Variants in NAE1 observed in about 807,000 individuals in gnomAD.
The protein encoded by NAE1 is NEDD8-activating enzyme E1 regulatory subunit.
A neutral mutation model predicts 88.0 loss-of-function variants in NAE1; 59 were observed. The ratio of observed to expected loss-of-function variants is 0.67; its 90% CI spans 0.54 to 0.83. The LOEUF (loss-of-function observed/expected upper bound fraction) is 0.83. Ranked by LOEUF, NAE1 falls within the 40% of genes least tolerant of loss-of-function variation. NAE1 has a pLI of 0.00. For missense variants in NAE1, 554 were observed against 632.8 expected, an observed-to-expected ratio of 0.88 and a Z score of 1.34; for synonymous variants, 186 against 208.9, an observed-to-expected ratio of 0.89 and a Z score of 0.95.
intron 8 of NAE1, 105 bp downstream of exon 8, chr16:66,818,423 T>C: frequency 1.3e-6 from 1 of 763,928 alleles, no homozygotes; most frequent in African/African-American, 1.8e-5. Context: ...ATGACAGGAA[T>C]ATGGAAGTTT....
chr16:66,825,835 T>C (rs1960443531), intron 3 of NAE1, among the ~76,000 whole-genome samples: 1 of 152,174 alleles, frequency 6.6e-6, no homozygotes, highest in African/African-American at 2.4e-5. Flanking sequence ...TTTTTATCAC[T>C]TTCTACTCTA....
intron 14 of NAE1, 78 bp from the exon 15 acceptor site, chr16:66,810,491 T>C (rs1469316030): frequency 3.8e-6 from 5 of 1,327,436 alleles, no homozygotes; most frequent in Non-Finnish European, 5.3e-6. Context: ...AGCCAATCAC[T>C]GTGAGATGGG....
intron 16 of NAE1, 57 bp downstream of exon 16, chr16:66,808,932 T>C (rs566026005): frequency 2.5e-6 from 3 of 1,201,124 alleles, no homozygotes; most frequent in South Asian, 3.1e-5. Context: ...ACACAAAATA[T>C]TTATATCTTT....
intron 1 of NAE1, 49 bp downstream of exon 1, chr16:66,830,797 AT>A: frequency 6.7e-7 from 1 of 1,497,206 alleles, no homozygotes; most frequent in Non-Finnish European, 8.9e-7. Context: ...CCCGGCCCGA[AT>A]GCTGGAAAGC....
At chr16:66,818,705 T>C (rs1026765314) in intron 7 of NAE1, 68 bp from the exon 8 acceptor site, 11 of 1,500,876 alleles carry the variant, frequency 7.3e-6, no homozygotes, top group Non-Finnish European at 9.7e-6. Context: ...GATGGGGTCT[T>C]GCTGTATTAC....
At chr16:66,830,759 G>C in intron 1 of NAE1, 88 bp downstream of exon 1, 2 of 1,296,140 alleles carry the variant, frequency 1.5e-6, no homozygotes, top group Non-Finnish European at 2.1e-6. Flanking sequence ...CCTGAGGAAG[G>C]CCCGACCGCG....
At chr16:66,821,633 T>C (rs1372710666) in intron 6 of NAE1, 74 bp from the exon 7 acceptor site, 1 of 1,255,756 alleles carries the variant, frequency 8.0e-7, no homozygotes, top group African/African-American at 1.5e-5. Context: ...ATGCAAAACA[T>C]GAAAATGTCT....
At position 66,817,414 on chromosome 16, in the gene NAE1, A is replaced by C. The variant is rs753219006; in HGVS notation, c.684+11T>G. Reference sequence around the variant, plus strand: ...AGTTGCATATGAAATTTTTTTTAAAAAAGGACATACTTCACTATACCACTG... The same window carrying C: ...AGTTGCATATGAAATTTTTTTTAAACAAGGACATACTTCACTATACCACTG... On this transcript the variant is annotated intron_variant, in intron 9 of 19. Transcript: ENST00000290810. 6.3e-7 allele frequency: 1 copy of C among 1,594,028 alleles called. No individual in the cohort carries two copies. Among genetic ancestry groups the C allele is most frequent in the South Asian group, 1.1e-5 (1 of 89,932 alleles).
chr16:66,804,256 CAAAG>C (rs1266573997), intron 19 of NAE1, among the ~76,000 whole-genome samples: 1 of 137,758 alleles, frequency 7.3e-6, no homozygotes, highest in Non-Finnish European at 1.6e-5. Flanking sequence ...AAAAAAAAAA[CAAAG>C]AAAACCTTCA....
intron 8 of NAE1, among the ~76,000 whole-genome samples, 198 bp from the exon 9 acceptor site, chr16:66,817,685 T>A (rs1960099396): frequency 6.6e-6 from 1 of 152,164 alleles, no homozygotes; most frequent in Admixed American, 6.5e-5. Flanking sequence ...ACATATATAC[T>A]ATGATTGTCC....
chr16:66,818,701 G>A, intron 7 of NAE1, 64 bp from the exon 8 acceptor site: 2 of 1,508,388 alleles, frequency 1.3e-6, no homozygotes, highest in Non-Finnish European at 1.8e-6. Flanking sequence ...GAGAGATGGG[G>A]TCTTGCTGTA....
In NAE1 at chr16:66,818,624, A is replaced by G; in HGVS notation, c.525T>C (p.His175=). 1 of 1,606,090 alleles carries G rather than the reference A, an allele frequency of 6.2e-7. No homozygotes were observed. The highest frequency in any genetic ancestry group is 8.5e-7 in the Non-Finnish European group (1 of 1,177,936). The change falls in exon 8 of 20, where the codon CAT becomes CAC. Residue 175 remains histidine, a synonymous_variant. Coordinates refer to ENST00000290810, the MANE Select transcript of NAE1 (RefSeq NM_003905.4). ...GTAGATCCTCTAATGCATTATCTGG[A>G]TGAGATTCTATTACTGTGAAACAAA... ...IIKEHPVIES[H]PDNALEDLRL...
chr16:66,812,827 T>G (rs2145323425), intron 13 of NAE1, among the ~76,000 whole-genome samples: 1 of 141,016 alleles, frequency 7.1e-6, no homozygotes, highest in South Asian at 2.2e-4. Flanking sequence ...CCTAAGTTCT[T>G]TTTTTTTTTT....
chr16:66,807,618 C>T (rs959589096), intron 17 of NAE1, among the ~76,000 whole-genome samples: 19 of 149,800 alleles, frequency 1.3e-4, no homozygotes, highest in Admixed American at 1.0e-3. Flanking sequence ...CCAGCCTGGG[C>T]GACAGAGCGA....
chr16:66,817,059 T>G (rs1392563132), intron 9 of NAE1, 31 bp from the exon 10 acceptor site: 25 of 1,572,482 alleles, frequency 1.6e-5, no homozygotes, highest in Non-Finnish European at 2.1e-5. Context: ...AAAAATCTAG[T>G]TATTAAAATT....
At chr16:66,828,519 A>ATC (rs1198956825) in intron 1 of NAE1, among the ~76,000 whole-genome samples, 1 of 151,100 alleles carries the variant, frequency 6.6e-6, no homozygotes, top group Non-Finnish European at 1.5e-5. Context: ...ATACTGGTGC[A>ATC]TCTCAAGCAG....
intron 1 of NAE1, chr16:66,827,706 C>T: frequency 2.6e-6 from 1 of 385,846 alleles, no homozygotes; most frequent in Non-Finnish European, 4.6e-6. Context: ...CTCACATCAA[C>T]TTCTACAGGA....
At chr16:66,811,617 G>A (rs1184921860) in intron 13 of NAE1, among the ~76,000 whole-genome samples, 4 of 152,030 alleles carry the variant, frequency 2.6e-5, no homozygotes, top group Non-Finnish European at 5.9e-5. Context: ...TAAAACAACT[G>A]TGAACATCCC....
In NAE1 at chr16:66,826,717, T is replaced by C; in HGVS notation, c.117A>G (p.Thr39=). 1 of 1,614,204 alleles carries C rather than the reference T, an allele frequency of 6.2e-7. No homozygotes were observed. The highest frequency in any genetic ancestry group is 8.5e-7 in the Non-Finnish European group (1 of 1,180,036). Residue 39 remains threonine, a synonymous_variant, in exon 2 of 20, where the codon ACA becomes ACG. Coordinates refer to ENST00000290810, the MANE Select transcript of NAE1 (RefSeq NM_003905.4). ...TTTTAAGAATTTCAGTTCCTGTGGC[T>C]GTTGCATTTATTAGGCAAACATGAG... ...ESAHVCLINA[T]ATGTEILKNL...
Sources: gnomAD v4.1 joint callset for allele counts (sites outside exome capture counted in the v4.1 genomes callset) on GRCh38, gnomAD v4.1.1 for gene constraint, MANE v1.5 for transcripts, NCBI Gene and HGNC (gene_info 2026-07-23, HGNC 2026-07-21) for gene names.